Variants in SPATA6L observed in about 807,000 individuals in gnomAD.
SPATA6L encodes the protein spermatogenesis associated 6-like protein.
SPATA6L carries 68 observed loss-of-function variants against 49.2 expected under a neutral mutation model. The ratio of observed to expected loss-of-function variants is 1.38; its 90% confidence interval spans 1.14 to 1.69. The LOEUF (loss-of-function observed/expected upper bound fraction) is 1.69, where lower values mean the gene tolerates loss of function less well. Ranked by LOEUF, SPATA6L falls within the 40% of genes most tolerant of loss-of-function variation. The probability of loss-of-function intolerance (pLI) is 0.00; values close to 1 mark genes in which losing one functional copy is unlikely to be tolerated. For synonymous variants in SPATA6L, 198 were observed against 165.7 expected (o/e 1.19, Z -1.50); for missense variants, 668 against 464.3 (o/e 1.44, Z -4.03).
intron 9 of SPATA6L, among the ~76,000 whole-genome samples, chr9:4,606,786 T>C (rs1406202109): frequency 3.4e-5 from 5 of 148,294 alleles, no homozygotes; most frequent in Non-Finnish European, 7.4e-5. Flanking sequence ...GGAACAAAGC[T>C]GGACGGAGAA....
chr9:4,658,151 TG>T (rs1363805136), intron 2 of SPATA6L, among the ~76,000 whole-genome samples: 1 of 152,232 alleles, frequency 6.6e-6, no homozygotes, highest in African/African-American at 2.4e-5. Flanking sequence ...TGAGATGATA[TG>T]TTTCTGTTGT....
intron 9 of SPATA6L, among the ~76,000 whole-genome samples, chr9:4,610,145 G>A (rs1425659638): frequency 1.3e-5 from 2 of 152,146 alleles, no homozygotes; most frequent in South Asian, 2.1e-4. Flanking sequence ...TGAAATAAAA[G>A]AGGATACAAA....
At chr9:4,622,291 T>G (rs570623702) in intron 7 of SPATA6L, 117 bp downstream of exon 7, 25 of 670,758 alleles carry the variant, frequency 3.7e-5, no homozygotes, top group Non-Finnish European at 5.7e-5. Flanking sequence ...GGAGAGTACT[T>G]GAGAATTAGG....
chr9:4,604,091 C>T, intron 11 of SPATA6L, 88 bp downstream of exon 11: 1 of 837,924 alleles, frequency 1.2e-6, no homozygotes, highest in Admixed American at 2.4e-5. Flanking sequence ...TTTCTAGTTA[C>T]TTCATATTGA....
rs370244730 is a variant in SPATA6L, at chr9:4,661,979, G to A, written c.97C>T (p.Leu33Phe). The A allele has an allele frequency of 3.4e-5, 55 of 1,614,090 alleles. 1 individual carries two copies. In the African/African-American group the frequency reaches 6.9e-4, roughly 20 times the overall value. ...TTGGTCTCCAGGTACTGATTCATGA[G>A]GTAGACCCCGAGGTACACATCTTGT... ...GKQDVYLGVY[L>F]MNQYLETNSF... The change falls in exon 2 of 12, where the codon CTC becomes TTC. Residue 33 changes from leucine (L) to phenylalanine (F), a missense_variant. Leu to Phe is a conservative substitution (Grantham distance 22). Transcript: ENST00000682582.
intron 3 of SPATA6L, among the ~76,000 whole-genome samples, chr9:4,649,863 CA>C: frequency 6.6e-6 from 1 of 152,272 alleles, no homozygotes. Flanking sequence ...CCAATTCTTG[CA>C]GGATCATTTG....
rs1208849518 is a variant in SPATA6L at position 4,618,101 on chromosome 9, C to G, written c.817G>C (p.Glu273Gln). ...SLAANVKVIK[E>Q]PDERIVLRSD... is the part of the protein sequence containing the mutation. ...CTTAAAACAATCCGTTCATCTGGCTCTTTGATAACCTGAGTGACAATATGC... is the reference window on the plus strand; with the variant it reads ...CTTAAAACAATCCGTTCATCTGGCTGTTTGATAACCTGAGTGACAATATGC... Residue 273 changes from glutamate to glutamine, a missense_variant, in exon 9 of 12, where the codon GAG becomes CAG. Glu to Gln is a conservative substitution (Grantham distance 29). Transcript: ENST00000682582. The G allele has an allele frequency of 6.2e-7, 1 of 1,604,088 alleles. No homozygotes were observed. Among genetic ancestry groups the G allele is most frequent in the Non-Finnish European group, 8.5e-7 (1 of 1,174,354 alleles).
chr9:4,635,125 G>T, intron 4 of SPATA6L, 150 bp downstream of exon 4: 3 of 660,628 alleles, frequency 4.5e-6, no homozygotes, highest in East Asian at 3.3e-5. Flanking sequence ...AGTATAATTT[G>T]GTACCTTGAG....
intron 2 of SPATA6L, among the ~76,000 whole-genome samples, chr9:4,661,065 A>G (rs1316117105): frequency 1.3e-5 from 2 of 152,190 alleles, no homozygotes; most frequent in Non-Finnish European, 2.9e-5. Context: ...GGTGCAGCAC[A>G]CCAACATGGC....
intron 1 of SPATA6L, 68 bp downstream of exon 1, chr9:4,666,144 T>A (rs1840828047): frequency 1.3e-6 from 2 of 1,522,650 alleles, no homozygotes; most frequent in Non-Finnish European, 1.8e-6. Flanking sequence ...GGAGGGTTGT[T>A]GAAAACCACC....
chr9:4,599,309 T>G lies in SPATA6L; in HGVS notation c.*1502A>C, dbSNP rs558759033. On this transcript the variant is annotated 3_prime_UTR_variant, in exon 12 of 12. Transcript: ENST00000682582. ...GGTTCAACTTGGATATACCTTTATT[T>G]GGCTGAAATTCTAAGAAGAGGATAA... Among the ~76,000 whole-genome samples the G allele has an allele frequency of 6.6e-6, 1 of 152,250 alleles. No individual in the cohort carries two copies. The highest frequency in any genetic ancestry group is 1.5e-5 in the Non-Finnish European group (1 of 68,042).
At chr9:4,651,827 A>G (rs1351851580) in intron 3 of SPATA6L, among the ~76,000 whole-genome samples, 1 of 152,172 alleles carries the variant, frequency 6.6e-6, no homozygotes, top group Non-Finnish European at 1.5e-5. Flanking sequence ...CTTATAAAAA[A>G]CCATATTTTA....
intron 1 of SPATA6L, chr9:4,663,470 A>T: frequency 1.8e-6 from 1 of 558,886 alleles, no homozygotes; most frequent in East Asian, 2.9e-5. Flanking sequence ...AAGCAAAAAA[A>T]CCCAAAAAAT....
intron 9 of SPATA6L, among the ~76,000 whole-genome samples, chr9:4,607,053 GATGAA>G (rs996782730): frequency 2.6e-5 from 4 of 151,174 alleles, no homozygotes; most frequent in African/African-American, 9.8e-5. Context: ...AGCGATGGAA[GATGAA>G]ATGAATGAAA....
rs539929522 is a variant in SPATA6L at position 4,598,643 on chromosome 9, T to C, written c.*2168A>G. Reference sequence around the variant, plus strand: ...AAACCATTTCAAAAAACACTGAATATTGAATGTCATGGTGTATATTTTAAC... The same window carrying C: ...AAACCATTTCAAAAAACACTGAATACTGAATGTCATGGTGTATATTTTAAC... On this transcript the variant is annotated 3_prime_UTR_variant, in exon 12 of 12. Transcript: ENST00000682582. Among the ~76,000 whole-genome samples, 125 of 152,344 alleles carry C rather than the reference T, an allele frequency of 8.2e-4. No homozygotes were observed. Among genetic ancestry groups the C allele is most frequent in the African/African-American group, 2.8e-3 (118 of 41,580 alleles).
At chr9:4,606,089 C>T (rs953040324) in intron 9 of SPATA6L, among the ~76,000 whole-genome samples, 5 of 152,134 alleles carry the variant, frequency 3.3e-5, no homozygotes, top group Non-Finnish European at 5.9e-5. Flanking sequence ...CACCCAAATA[C>T]TGCGCTTTTC....
At chr9:4,664,924 T>C (rs1424842745) in intron 1 of SPATA6L, 1 of 167,092 alleles carries the variant, frequency 6.0e-6, no homozygotes, top group Non-Finnish European at 1.5e-5. Context: ...CTCTAAGTGG[T>C]TTGGGTTTGT....
intron 1 of SPATA6L, chr9:4,663,332 A>G: frequency 4.1e-5 from 61 of 1,497,814 alleles, no homozygotes; most frequent in Non-Finnish European, 5.5e-5. Flanking sequence ...AACCTAAACC[A>G]GCAGCCATCC....
downstream of SPATA6L, among the ~76,000 whole-genome samples, chr9:4,593,368 C>T (rs910108634): frequency 6.6e-6 from 1 of 152,150 alleles, no homozygotes; most frequent in African/African-American, 2.4e-5. Flanking sequence ...TGCCCAGCCT[C>T]ACCTCCTTTA....
Sources: allele counts gnomAD v4.1 joint callset (sites outside exome capture counted in the v4.1 genomes callset), GRCh38; gene constraint gnomAD v4.1.1; transcripts MANE v1.5; gene names NCBI Gene and HGNC (gene_info 2026-07-23, HGNC 2026-07-21).